Variants in BBOF1 observed in about 807,000 individuals in gnomAD.
The protein encoded by BBOF1 is basal body orientation factor 1.
A neutral mutation model predicts 68.0 loss-of-function variants in BBOF1; 62 were observed. The observed-to-expected ratio is 0.91, with a 90% CI of 0.74 to 1.13. BBOF1 has a LOEUF of 1.13. Ranked by LOEUF, BBOF1 falls within the 50% of genes most tolerant of loss-of-function variation. The probability of loss-of-function intolerance (pLI) is 0.00; values close to 1 mark genes in which losing one functional copy is unlikely to be tolerated. For synonymous variants in BBOF1, 208 were observed against 198.8 expected, an observed-to-expected ratio of 1.05 and a Z score of -0.39; for missense variants, 534 against 600.1, an observed-to-expected ratio of 0.89 and a Z score of 1.15.
intron 2 of BBOF1, among the ~76,000 whole-genome samples, chr14:74,023,999 A>G (rs193239858): frequency 6.6e-6 from 1 of 151,974 alleles, no homozygotes; most frequent in East Asian, 1.9e-4. Flanking sequence ...ACAATGTACT[A>G]TACTGGGTGC....
chr14:74,024,148 C>G (rs2059371482), intron 2 of BBOF1, among the ~76,000 whole-genome samples: 1 of 151,868 alleles, frequency 6.6e-6, no homozygotes, highest in Non-Finnish European at 1.5e-5. Flanking sequence ...AAAGTCACAC[C>G]CCTAGTGGGT....
chr14:74,030,173 G>C (rs1424665717), intron 3 of BBOF1, among the ~76,000 whole-genome samples: 1 of 151,916 alleles, frequency 6.6e-6, no homozygotes, highest in Non-Finnish European at 1.5e-5. Context: ...AACACATTTT[G>C]CTTTTGATTT....
At chr14:74,043,486 C>A (rs2059876074) in intron 5 of BBOF1, among the ~76,000 whole-genome samples, 1 of 132,414 alleles carries the variant, frequency 7.6e-6, no homozygotes, top group Non-Finnish European at 1.6e-5. Context: ...GGAAGCGGAG[C>A]TTGCAGTGAG....
rs117285223 is a variant in BBOF1, at chr14:74,045,745, C to T, written c.577-315C>T. Among the ~76,000 whole-genome samples the T allele has an allele frequency of 3.2e-3, 480 of 152,300 alleles. 1 individual carries two copies. The highest frequency in any genetic ancestry group is 4.9e-3 in the Non-Finnish European group (335 of 68,024). On this transcript the variant is annotated intron_variant, in intron 5 of 11. Transcript: ENST00000394009. ...AGCCTAGTCCTGAGGGCTACCATTC[C>T]TGAATGAATAAATGAATGACTCTCA... is the stretch of plus-strand genomic sequence containing the variant.
intron 9 of BBOF1, among the ~76,000 whole-genome samples, chr14:74,074,699 G>C (rs2060593306): frequency 6.6e-6 from 1 of 152,080 alleles, no homozygotes; most frequent in Non-Finnish European, 1.5e-5. Flanking sequence ...ACAGACAGAT[G>C]ATCTGTAAAA....
At chr14:74,046,574 T>C (rs2059954966) in intron 6 of BBOF1, among the ~76,000 whole-genome samples, 1 of 152,106 alleles carries the variant, frequency 6.6e-6, no homozygotes, top group Admixed American at 6.6e-5. Flanking sequence ...GGTTTCGCCA[T>C]GTTGGCCGGG....
chr14:74,066,245 G>A (rs2060462464), downstream of BBOF1, among the ~76,000 whole-genome samples: 2 of 152,074 alleles, frequency 1.3e-5, no homozygotes. Context: ...ATAGCCTGTG[G>A]GCCAAATGTG....
intron 3 of BBOF1, among the ~76,000 whole-genome samples, chr14:74,033,245 C>T (rs2059617200): frequency 6.6e-6 from 1 of 152,038 alleles, no homozygotes; most frequent in Admixed American, 6.6e-5. Context: ...CAGATGGTAT[C>T]TTTTTACAGA....
At chr14:74,071,071 G>T, downstream of BBOF1, 1 of 1,012,302 alleles carries the variant, frequency 9.9e-7, no homozygotes, top group Non-Finnish European at 1.6e-6. Context: ...AAACATGGAG[G>T]TTAAAATGAG....
chr14:74,020,918 G>A (rs2059273937), intron 1 of BBOF1, among the ~76,000 whole-genome samples: 1 of 152,148 alleles, frequency 6.6e-6, no homozygotes, highest in Non-Finnish European at 1.5e-5. Context: ...AACAGGCTGA[G>A]GGGTTGGGAA....
intron 9 of BBOF1, chr14:74,072,210 T>C: frequency 6.2e-7 from 1 of 1,614,206 alleles, no homozygotes; most frequent in South Asian, 1.1e-5. Flanking sequence ...TACCAAGTTT[T>C]CTTTAATAAG....
At chr14:74,056,743 T>A in intron 9 of BBOF1, 163 bp from the exon 10 acceptor site, 1 of 599,994 alleles carries the variant, frequency 1.7e-6, no homozygotes, top group Non-Finnish European at 3.0e-6. Flanking sequence ...TATTTCACAT[T>A]GCATGCCTGT....
chr14:74,058,232 CAGG>C (rs2060263209), intron 11 of BBOF1: 2 of 152,232 alleles, frequency 1.3e-5, no homozygotes, highest in Non-Finnish European at 2.9e-5. Context: ...GAGACTGAGG[CAGG>C]AGAATTACTT....
intron 4 of BBOF1, among the ~76,000 whole-genome samples, chr14:74,038,214 G>A (rs576585741): frequency 1.3e-5 from 2 of 152,254 alleles, no homozygotes; most frequent in East Asian, 1.9e-4. Context: ...AATGCTGAGC[G>A]GGTCTTTTGT....
downstream of BBOF1, chr14:74,066,148 G>A (rs2060460584): frequency 6.2e-6 from 1 of 161,564 alleles, no homozygotes; most frequent in Admixed American, 5.8e-5. Context: ...TTGAGACACT[G>A]CAGTAGCCAT....
chr14:74,037,394 G>C (rs1277433267), intron 4 of BBOF1, among the ~76,000 whole-genome samples: 1 of 146,188 alleles, frequency 6.8e-6, no homozygotes, highest in Non-Finnish European at 1.5e-5. Context: ...CTGGGCTCAA[G>C]TGATCCTCTT....
chr14:74,056,527 G>A (rs1205227938), intron 9 of BBOF1, among the ~76,000 whole-genome samples: 1 of 151,378 alleles, frequency 6.6e-6, no homozygotes, highest in Admixed American at 6.6e-5. Flanking sequence ...GTAAAGACAG[G>A]GTTTCACCAT....
chr14:74,035,342 C>T (rs1371556991), intron 4 of BBOF1, among the ~76,000 whole-genome samples: 1 of 151,200 alleles, frequency 6.6e-6, no homozygotes, highest in African/African-American at 2.4e-5. Context: ...GATCTGTTTC[C>T]AAGGAGGCAC....
intron 7 of BBOF1, 41 bp from the exon 8 acceptor site, chr14:74,049,661 C>G (rs1196214857): frequency 6.7e-7 from 1 of 1,492,548 alleles, no homozygotes; most frequent in Non-Finnish European, 8.9e-7. Flanking sequence ...GATTCCATCT[C>G]AAAAGAAAAA....
Sources: gnomAD v4.1 joint callset for allele counts (sites outside exome capture counted in the v4.1 genomes callset) on GRCh38, gnomAD v4.1.1 for gene constraint, MANE v1.5 for transcripts, NCBI Gene and HGNC (gene_info 2026-07-23, HGNC 2026-07-21) for gene names.